PABIR3: variants seen among roughly 807,000 people sequenced by gnomAD.
PABIR3 encodes PABIR family member 3, also known as PABIR family member 1.
A neutral mutation model predicts 23.1 loss-of-function variants in PABIR3; 20 were observed. That is an observed-to-expected ratio of 0.86 (90% CI 0.61 to 1.26). The LOEUF (loss-of-function observed/expected upper bound fraction) is 1.26, where lower values mean the gene tolerates loss of function less well. Ranked by LOEUF, PABIR3 falls within the 50% of genes most tolerant of loss-of-function variation. The pLI is 0.00. For synonymous variants in PABIR3, 69 were observed against 68.5 expected (o/e 1.01, Z -0.04); for missense variants, 189 against 195.4 (o/e 0.97, Z 0.20).
At chrX:134,844,649 C>T (rs1392867160) in intron 4 of PABIR3, among the ~76,000 whole-genome samples, 1 of 112,031 alleles carries the variant, frequency 8.9e-6, no homozygotes, top group Non-Finnish European at 1.9e-5. Context: ...TTCTGAGCAC[C>T]TCTCTTACAA....
intron 3 of PABIR3, chrX:134,822,157 T>C (rs1238555990): frequency 2.7e-6 from 2 of 752,470 alleles, no homozygotes; most frequent in Admixed American, 8.9e-5. Flanking sequence ...CAAGGACTTT[T>C]CTTTCTTCCT....
At chrX:134,857,825 GT>G (rs1157006263), downstream of PABIR3, among the ~76,000 whole-genome samples, 1 of 110,606 alleles carries the variant, frequency 9.0e-6, no homozygotes, top group East Asian at 2.8e-4. Flanking sequence ...TATATATATG[GT>G]TTTTAAAATT....
At chrX:134,844,931 G>A (rs984183396) in intron 4 of PABIR3, among the ~76,000 whole-genome samples, 12 of 112,100 alleles carry the variant, frequency 1.1e-4, no homozygotes, top group Admixed American at 2.9e-4. Context: ...AATGCTTAAT[G>A]TTGTTGCTTT....
intron 3 of PABIR3, chrX:134,822,205 A>G (rs2081323731): frequency 2.7e-6 from 2 of 749,845 alleles, no homozygotes; most frequent in East Asian, 3.0e-4. Context: ...AATTTACACA[A>G]AAGATACCAG....
At chrX:134,806,666 AAAG>A (rs1469159060), upstream of PABIR3, among the ~76,000 whole-genome samples, 1 of 110,638 alleles carries the variant, frequency 9.0e-6, no homozygotes, top group African/African-American at 3.3e-5. Context: ...AAAAAGAAAG[AAAG>A]AAACCACACT....
chrX:134,806,685 CAG>C (rs1249920430), upstream of PABIR3, among the ~76,000 whole-genome samples: 2 of 108,237 alleles, frequency 1.8e-5, no homozygotes, highest in Non-Finnish European at 3.8e-5. Flanking sequence ...ACACTGAAAA[CAG>C]TAATTCGTTT....
chrX:134,863,196 G>A, the PABIR3 span, among the ~76,000 whole-genome samples: 91 of 111,771 alleles, frequency 8.1e-4, 2 homozygotes, highest in South Asian at 0.015. Flanking sequence ...AGTTCAGTGT[G>A]ACTGTACTCT....
At chrX:134,844,138 T>G (rs902264405) in intron 4 of PABIR3, 2 of 110,041 alleles carry the variant, frequency 1.8e-5, no homozygotes, top group Non-Finnish European at 3.8e-5. Flanking sequence ...TTGGCCAGAC[T>G]GGTCTCGAAC....
In PABIR3 at chrX:134,828,888, T is replaced by C. The variant is rs1359635738; in HGVS notation, c.190-338T>C. ...AATACCTCTACCTAAGCTTTAATGA[T>C]GGGCTAAAACTGGCAAGAAAAATGA... On this transcript the variant is annotated intron_variant, in intron 3 of 10. Coordinates refer to ENST00000645433, the MANE Select transcript of PABIR3 (RefSeq NM_001388447.1). Among the ~76,000 whole-genome samples the C allele has an allele frequency of 1.3e-4, 14 of 111,621 alleles. No individual in the cohort carries two copies. In the East Asian group the frequency reaches 3.6e-3, roughly 29 times the overall value.
chrX:134,799,214 G>A (rs2079996727), intron 1 of PABIR3, among the ~76,000 whole-genome samples: 1 of 111,789 alleles, frequency 8.9e-6, no homozygotes, highest in Non-Finnish European at 1.9e-5. Flanking sequence ...TTTTCAAGAT[G>A]AAATATTTTA....
At chrX:134,825,975 G>T in intron 3 of PABIR3, among the ~76,000 whole-genome samples, 1 of 108,943 alleles carries the variant, frequency 9.2e-6, no homozygotes, top group East Asian at 2.9e-4. Flanking sequence ...CGCATCCAGA[G>T]TGACATGTTT....
chrX:134,842,589 C>A (rs1752968590), intron 4 of PABIR3, among the ~76,000 whole-genome samples: 1 of 110,523 alleles, frequency 9.0e-6, no homozygotes, highest in Admixed American at 9.7e-5. Context: ...GCCTAGGCAA[C>A]AGAGCGAGAC....
intron 10 of PABIR3, 116 bp from the exon 11 acceptor site, chrX:134,853,975 C>T: frequency 1.3e-6 from 1 of 790,739 alleles, no homozygotes; most frequent in South Asian, 3.2e-5. Flanking sequence ...AAAAACTTTG[C>T]TTGTGACAAG....
rs775575857 is a variant in PABIR3, at chrX:134,817,835, T to A, written c.189+2986T>A. ...AAGAGTTTTGAGCCAATGATTGACA[T>A]GATCAGATTTGTTAAAAGATTGCCC... On this transcript the variant is annotated intron_variant, in intron 3 of 10. Coordinates refer to ENST00000645433, the MANE Select transcript of PABIR3 (RefSeq NM_001388447.1). Among the ~76,000 whole-genome samples the A allele has an allele frequency of 5.4e-5, 6 of 111,033 alleles. No homozygotes were observed. The South Asian group carries it at 1.2e-3, about 21-fold the overall frequency.
intron 2 of PABIR3, 77 bp downstream of exon 2, chrX:134,807,785 C>A: frequency 1.0e-6 from 1 of 998,981 alleles, no homozygotes; most frequent in Non-Finnish European, 1.3e-6. Context: ...TATAGAATTC[C>A]CGTCCCTTTA....
downstream of PABIR3, among the ~76,000 whole-genome samples, chrX:134,855,460 T>C (rs1049305637): frequency 9.0e-6 from 1 of 111,285 alleles, no homozygotes; most frequent in Non-Finnish European, 1.9e-5. Flanking sequence ...ATTTAAAATA[T>C]GTGCTTTAAG....
At chrX:134,826,342 T>C (rs1244335985) in intron 3 of PABIR3, among the ~76,000 whole-genome samples, 3 of 111,362 alleles carry the variant, frequency 2.7e-5, no homozygotes, top group Non-Finnish European at 3.8e-5. Flanking sequence ...TATGCCTTTC[T>C]TATTTGTCTT....
intron 10 of PABIR3, among the ~76,000 whole-genome samples, chrX:134,853,480 CT>C (rs1203679900): frequency 9.0e-6 from 1 of 111,545 alleles, no homozygotes; most frequent in Non-Finnish European, 1.9e-5. Context: ...AAAATGCATC[CT>C]TGGAAAAAGT....
At chrX:134,842,977 C>T (rs184815894) in intron 4 of PABIR3, among the ~76,000 whole-genome samples, 99 of 108,994 alleles carry the variant, frequency 9.1e-4, no homozygotes, top group Middle Eastern at 4.8e-3. Flanking sequence ...CCAAGACGGG[C>T]GGATCACAAG....
Sources: allele counts gnomAD v4.1 joint callset (sites outside exome capture counted in the v4.1 genomes callset), GRCh38; gene constraint gnomAD v4.1.1; transcripts MANE v1.5; gene names NCBI Gene and HGNC (gene_info 2026-07-23, HGNC 2026-07-21).